RBFOX1: variants seen among roughly 807,000 people sequenced by gnomAD.
The protein encoded by RBFOX1 is RNA binding fox-1 homolog 1.
In RBFOX1, 8 loss-of-function variants were observed where a neutral mutation model predicts 57.7. The ratio of observed to expected loss-of-function variants is 0.14; its 90% CI spans 0.08 to 0.25. The LOEUF is 0.25. Ranked by LOEUF, RBFOX1 falls within the 10% of genes least tolerant of loss-of-function variation. The pLI is 1.00. For synonymous variants in RBFOX1, 326 were observed against 222.4 expected (o/e 1.47, Z -4.15); for missense variants, 611 against 548.5 (o/e 1.11, Z -1.14).
chr16:6,531,601 G>A (rs2096658951), intron 2 of RBFOX1, among the ~76,000 whole-genome samples: 1 of 152,090 alleles, frequency 6.6e-6, no homozygotes, highest in Admixed American at 6.6e-5. Context: ...CAATAAAAGT[G>A]GCCTTAATGT....
chr16:5,790,012 G>C (rs896863730), intron 3 of RBFOX1, among the ~76,000 whole-genome samples: 12 of 152,202 alleles, frequency 7.9e-5, no homozygotes, highest in Non-Finnish European at 1.5e-5. Context: ...TCTCCCATGT[G>C]ATGTGTGACC....
At chr16:6,015,990 A>C (rs2094991250), upstream of RBFOX1, among the ~76,000 whole-genome samples, 1 of 152,242 alleles carries the variant, frequency 6.6e-6, no homozygotes, top group African/African-American at 2.4e-5. Flanking sequence ...AAAGGACTAC[A>C]TAAATGGATG....
intron 1 of RBFOX1, among the ~76,000 whole-genome samples, chr16:6,088,552 A>G (rs539209676): frequency 1.1e-5 from 1 of 87,542 alleles, no homozygotes; most frequent in Non-Finnish European, 2.3e-5. Context: ...TTCCTTCTGC[A>G]TTTATTAAAT....
At chr16:7,697,459 A>C (rs2079144710) in intron 14 of RBFOX1, among the ~76,000 whole-genome samples, 1 of 152,196 alleles carries the variant, frequency 6.6e-6, no homozygotes, top group Non-Finnish European at 1.5e-5. Flanking sequence ...TCCAAGGTGT[A>C]ATAGTAACTT....
intron 4 of RBFOX1, among the ~76,000 whole-genome samples, chr16:7,331,664 C>T (rs1307358739): frequency 6.6e-6 from 1 of 152,072 alleles, no homozygotes; most frequent in Non-Finnish European, 1.5e-5. Flanking sequence ...GATAACACAG[C>T]CTTTTGAAGT....
At chr16:6,552,937 A>T (rs994635676) in intron 2 of RBFOX1, among the ~76,000 whole-genome samples, 1 of 152,166 alleles carries the variant, frequency 6.6e-6, no homozygotes. Flanking sequence ...TATCTATGTT[A>T]CAATCTTTTC....
At chr16:5,423,789 G>A (rs796579623) in intron 1 of RBFOX1, among the ~76,000 whole-genome samples, 4 of 152,002 alleles carry the variant, frequency 2.6e-5, no homozygotes, top group South Asian at 2.1e-4. Flanking sequence ...TCCCTGTTTC[G>A]TGTTGCATCC....
intron 3 of RBFOX1, among the ~76,000 whole-genome samples, chr16:5,865,465 T>C (rs1472831320): frequency 1.3e-5 from 2 of 152,152 alleles, no homozygotes; most frequent in African/African-American, 4.8e-5. Flanking sequence ...TCATGGACTT[T>C]CTTGGCTGAG....
At chr16:6,658,200 T>C (rs17140851) in intron 3 of RBFOX1, among the ~76,000 whole-genome samples, 5,553 of 152,104 alleles carry the variant, frequency 0.037, 254 homozygotes, top group East Asian at 0.1. Context: ...CATATCATGA[T>C]AGAAGATAAA....
intron 5 of RBFOX1, among the ~76,000 whole-genome samples, chr16:7,573,232 A>G (rs12930721): frequency 0.34 from 52,203 of 151,766 alleles, 10,032 homozygotes; most frequent in Non-Finnish European, 0.43. Context: ...TGCAAAGACC[A>G]AAGATGGGGT....
intron 4 of RBFOX1, among the ~76,000 whole-genome samples, chr16:7,115,377 A>T (rs2065666178): frequency 6.6e-6 from 1 of 152,228 alleles, no homozygotes; most frequent in Non-Finnish European, 1.5e-5. Context: ...TAGAGCTTAT[A>T]TTCTAATGGA....
At chr16:6,577,100 A>G (rs2097451089) in intron 2 of RBFOX1, 1 of 152,212 alleles carries the variant, frequency 6.6e-6, no homozygotes, top group African/African-American at 2.4e-5. Flanking sequence ...TCCTCTGATG[A>G]ACATGCACCT....
chr16:7,289,792 A>G (rs2095728188), intron 4 of RBFOX1, among the ~76,000 whole-genome samples: 2 of 152,208 alleles, frequency 1.3e-5, no homozygotes, highest in African/African-American at 2.4e-5. Flanking sequence ...AGATAAAAAT[A>G]TTAGTGCTTG....
chr16:7,579,956 T>C (rs2093625077), intron 6 of RBFOX1, 36 bp downstream of exon 6: 1 of 1,608,680 alleles, frequency 6.2e-7, no homozygotes, highest in Non-Finnish European at 8.5e-7. Context: ...GTGCCCGCTC[T>C]GGGGGTTCCA....
At chr16:5,717,690 A>T (rs7203261) in intron 3 of RBFOX1, among the ~76,000 whole-genome samples, 105,339 of 152,116 alleles carry the variant, frequency 0.69, 37,476 homozygotes, top group Non-Finnish European at 0.75. Context: ...AGGCCAGTAT[A>T]TCATTTCAAC....
intron 1 of RBFOX1, among the ~76,000 whole-genome samples, chr16:5,324,123 T>G (rs1830307): frequency 6.6e-6 from 1 of 152,196 alleles, no homozygotes; most frequent in East Asian, 1.9e-4. Flanking sequence ...GGGGAGGGGG[T>G]GGGGGCTGGA....
chr16:6,676,019 GAA>G (rs2057582159), intron 3 of RBFOX1, among the ~76,000 whole-genome samples: 1 of 151,984 alleles, frequency 6.6e-6, no homozygotes, highest in Non-Finnish European at 1.5e-5. Flanking sequence ...TTCTCAAAAG[GAA>G]AAGAGGTCCT....
intron 3 of RBFOX1, among the ~76,000 whole-genome samples, chr16:6,732,535 C>T (rs901923364): frequency 6.6e-6 from 1 of 152,184 alleles, no homozygotes; most frequent in Admixed American, 6.5e-5. Context: ...TTTAGTGTAG[C>T]AGGCAATTGC....
At chr16:5,515,299 G>T (rs2043750746) in intron 2 of RBFOX1, among the ~76,000 whole-genome samples, 1 of 152,244 alleles carries the variant, frequency 6.6e-6, no homozygotes, top group African/African-American at 2.4e-5. Context: ...TCCTGTAGCT[G>T]TCAGCACTTT....
Sources: allele counts gnomAD v4.1 joint callset (sites outside exome capture counted in the v4.1 genomes callset), GRCh38; gene constraint gnomAD v4.1.1; transcripts MANE v1.5; gene names NCBI Gene and HGNC (gene_info 2026-07-23, HGNC 2026-07-21).